The following BACH2 variants were observed in gnomAD, a reference collection of about 807,000 sequenced individuals.
BACH2 encodes the protein transcription regulator protein BACH2.
In BACH2, 5 loss-of-function variants were observed where a neutral mutation model predicts 61.8. The observed-to-expected ratio is 0.08, with a 90% CI of 0.04 to 0.17. The LOEUF (loss-of-function observed/expected upper bound fraction) is 0.17, where lower values mean the gene tolerates loss of function less well. Ranked by LOEUF, BACH2 falls within the 10% of genes least tolerant of loss-of-function variation. BACH2 has a pLI of 1.00. For synonymous variants in BACH2, 446 were observed against 440.1 expected, an observed-to-expected ratio of 1.01 and a Z score of -0.17; for missense variants, 824 against 1,091.1, an observed-to-expected ratio of 0.76 and a Z score of 3.45.
At chr6:89,971,739 G>A (rs910254837) in intron 6 of BACH2, among the ~76,000 whole-genome samples, 1 of 152,204 alleles carries the variant, frequency 6.6e-6, no homozygotes, top group South Asian at 2.1e-4. Flanking sequence ...AAGACAGAAT[G>A]AGAGCCAAGC....
intron 5 of BACH2, among the ~76,000 whole-genome samples, chr6:90,019,034 T>A (rs1201075674): frequency 1.3e-5 from 2 of 152,224 alleles, no homozygotes; most frequent in East Asian, 3.8e-4. Flanking sequence ...TGATTTGTTT[T>A]CTCCATTCTT....
At chr6:90,095,988 A>G (rs1782367289) in intron 4 of BACH2, among the ~76,000 whole-genome samples, 1 of 152,100 alleles carries the variant, frequency 6.6e-6, no homozygotes, top group Admixed American at 6.6e-5. Context: ...TGTCAAGGCT[A>G]CCTCCTTTCC....
At chr6:90,098,157 A>C (rs1782457235) in intron 4 of BACH2, among the ~76,000 whole-genome samples, 1 of 152,208 alleles carries the variant, frequency 6.6e-6, no homozygotes, top group African/African-American at 2.4e-5. Flanking sequence ...AGCTGTCTCC[A>C]TCATTCTAGT....
At chr6:90,189,524 C>T (rs916579292) in intron 4 of BACH2, among the ~76,000 whole-genome samples, 4 of 147,366 alleles carry the variant, frequency 2.7e-5, no homozygotes, top group Admixed American at 2.1e-4. Flanking sequence ...AGGAGAATGG[C>T]GTGAACCCGG....
At chr6:90,276,983 C>G (rs1049331332) in intron 1 of BACH2, among the ~76,000 whole-genome samples, 2 of 152,154 alleles carry the variant, frequency 1.3e-5, no homozygotes, top group Non-Finnish European at 2.9e-5. Flanking sequence ...TAAAATTCCT[C>G]TACCTTGGAC....
chr6:90,175,592 G>A (rs1767959182), intron 4 of BACH2, among the ~76,000 whole-genome samples: 2 of 151,956 alleles, frequency 1.3e-5, no homozygotes, highest in South Asian at 4.1e-4. Flanking sequence ...TGGGGGGTGA[G>A]TGGCTGGGGG....
At chr6:89,945,058 G>A (rs1584511088) in intron 7 of BACH2, among the ~76,000 whole-genome samples, 1 of 152,294 alleles carries the variant, frequency 6.6e-6, no homozygotes, top group East Asian at 1.9e-4. Flanking sequence ...CTGGATCCTT[G>A]ATACACTGCT....
chr6:90,122,774 G>C (rs891104227), intron 4 of BACH2, among the ~76,000 whole-genome samples: 10 of 152,166 alleles, frequency 6.6e-5, no homozygotes, highest in Admixed American at 5.9e-4. Flanking sequence ...TGACAAGAGG[G>C]AGACCCACCA....
At chr6:90,168,308 C>G (rs973673199) in intron 4 of BACH2, among the ~76,000 whole-genome samples, 2 of 152,148 alleles carry the variant, frequency 1.3e-5, no homozygotes, top group Admixed American at 1.3e-4. Context: ...GAGTCATGAT[C>G]ATGCCACTGT....
chr6:90,192,665 C>G (rs1321148585), intron 4 of BACH2, among the ~76,000 whole-genome samples: 1 of 152,168 alleles, frequency 6.6e-6, no homozygotes, highest in Non-Finnish European at 1.5e-5. Flanking sequence ...TAACCACAAG[C>G]TAAGTTTTTG....
intron 6 of BACH2, among the ~76,000 whole-genome samples, chr6:89,971,299 C>G (rs1775345024): frequency 6.6e-6 from 1 of 152,186 alleles, no homozygotes; most frequent in Admixed American, 6.5e-5. Flanking sequence ...ACCAGGCATT[C>G]TCCTCCACAG....
At chr6:89,967,800 T>G (rs1028654057) in intron 6 of BACH2, among the ~76,000 whole-genome samples, 16 of 152,180 alleles carry the variant, frequency 1.1e-4, no homozygotes, top group Non-Finnish European at 5.9e-5. Context: ...TGAACTCTCC[T>G]CTCTGTTGAT....
At chr6:90,066,044 T>C (rs1338551870) in intron 5 of BACH2, among the ~76,000 whole-genome samples, 1 of 152,218 alleles carries the variant, frequency 6.6e-6, no homozygotes, top group Non-Finnish European at 1.5e-5. Context: ...TTCTTTATGC[T>C]GCCTACTTTT....
chr6:90,147,027 A>T (rs987443813), intron 4 of BACH2, among the ~76,000 whole-genome samples: 6 of 152,084 alleles, frequency 3.9e-5, no homozygotes, highest in African/African-American at 1.4e-4. Context: ...AAAGAAAAAA[A>T]TTTTTCCCGA....
At chr6:90,164,710 C>G (rs9800845) in intron 4 of BACH2, among the ~76,000 whole-genome samples, 1 of 152,128 alleles carries the variant, frequency 6.6e-6, no homozygotes, top group Admixed American at 6.5e-5. Context: ...AAAAGCTTAT[C>G]CACCATGATC....
chr6:90,016,640 TA>T (rs939976392), intron 5 of BACH2, among the ~76,000 whole-genome samples: 1 of 152,228 alleles, frequency 6.6e-6, no homozygotes, highest in African/African-American at 2.4e-5. Flanking sequence ...ATATTGTCAT[TA>T]CTTTTGTTTA....
intron 6 of BACH2, among the ~76,000 whole-genome samples, chr6:89,983,256 A>T (rs759060496): frequency 2.0e-5 from 3 of 152,224 alleles, no homozygotes; most frequent in Non-Finnish European, 4.4e-5. Context: ...TATTCATTCC[A>T]TCATATTTAT....
chr6:90,010,474 G>A (rs975591457), intron 5 of BACH2, among the ~76,000 whole-genome samples: 20 of 152,072 alleles, frequency 1.3e-4, no homozygotes, highest in African/African-American at 3.4e-4. Flanking sequence ...TAAATATAGC[G>A]TAACTTTTTT....
chr6:90,108,906 T>C (rs923978916), intron 4 of BACH2, among the ~76,000 whole-genome samples: 21 of 152,294 alleles, frequency 1.4e-4, no homozygotes, highest in African/African-American at 4.8e-4. Flanking sequence ...TCAATCACTA[T>C]TCTTGAGCTC....
Sources: allele counts gnomAD v4.1 joint callset (sites outside exome capture counted in the v4.1 genomes callset), GRCh38; gene constraint gnomAD v4.1.1; transcripts MANE v1.5; gene names NCBI Gene and HGNC (gene_info 2026-07-23, HGNC 2026-07-21).